The following ASTN2 variants were observed in gnomAD, a reference collection of about 807,000 sequenced individuals.
ASTN2 encodes astrotactin 2.
In ASTN2, 54 loss-of-function variants were observed where a neutral mutation model predicts 139.8. The ratio of observed to expected loss-of-function variants is 0.39; its 90% CI spans 0.31 to 0.48. The LOEUF (loss-of-function observed/expected upper bound fraction) is 0.48, where lower values mean the gene tolerates loss of function less well. Among genes scored for constraint, ASTN2 ranks in the 20% least tolerant of loss-of-function variants. The pLI is 0.95. For synonymous variants in ASTN2, 756 were observed against 719.5 expected (o/e 1.05, Z -0.81); for missense variants, 1,565 against 1,725.1 (o/e 0.91, Z 1.64).
chr9:117,233,725 G>T (rs1479935516), intron 2 of ASTN2, among the ~76,000 whole-genome samples: 2 of 151,952 alleles, frequency 1.3e-5, no homozygotes, highest in Non-Finnish European at 2.9e-5. Flanking sequence ...TGCACTTATG[G>T]CAGAGTGGTG....
chr9:116,878,929 G>A (rs1833375149), intron 10 of ASTN2, among the ~76,000 whole-genome samples: 1 of 151,750 alleles, frequency 6.6e-6, no homozygotes, highest in Non-Finnish European at 1.5e-5. Context: ...TGGGGTCTCA[G>A]GTGTGATTGC....
Position 116,881,398 on chromosome 9 carries a change from A to G in ASTN2, c.1890-17665T>C, listed in dbSNP as rs553991458. ...GTCCATATTCTTCTCCCAGAATGCC[A>G]CTTGTTGAATTTGAGTTGGAATCCC... is the stretch of plus-strand genomic sequence containing the variant. On this transcript the variant is annotated intron_variant, in intron 10 of 22. Transcript: ENST00000313400. 5.3e-5 allele frequency among the ~76,000 whole-genome samples: 8 copies of G among 152,330 alleles called. No individual in the cohort carries two copies. The East Asian group carries it at 1.5e-3, about 29-fold the overall frequency.
intron 10 of ASTN2, among the ~76,000 whole-genome samples, chr9:116,935,332 C>T (rs990023936): frequency 1.3e-5 from 2 of 152,110 alleles, no homozygotes; most frequent in Admixed American, 1.3e-4. Context: ...AGCTGTGTGA[C>T]CTTGGGCAAG....
chr9:117,364,711 G>C (rs1829786705), intron 1 of ASTN2, among the ~76,000 whole-genome samples: 1 of 152,104 alleles, frequency 6.6e-6, no homozygotes, highest in Non-Finnish European at 1.5e-5. Context: ...GCTTATAGAA[G>C]CATCTGGGCT....
chr9:116,985,516 G>C (rs1836651867), intron 7 of ASTN2, among the ~76,000 whole-genome samples: 1 of 152,138 alleles, frequency 6.6e-6, no homozygotes, highest in African/African-American at 2.4e-5. Flanking sequence ...TCTCAGCCAG[G>C]GTAACCCTTT....
At chr9:116,821,473 G>T (rs183877254) in intron 11 of ASTN2, among the ~76,000 whole-genome samples, 35 of 152,232 alleles carry the variant, frequency 2.3e-4, no homozygotes, top group Admixed American at 1.8e-3. Flanking sequence ...TATCCCTGGA[G>T]CCCTAAGTAA....
chr9:116,479,018 A>AAAAAT (rs1849084678), intron 20 of ASTN2, among the ~76,000 whole-genome samples: 1 of 128,274 alleles, frequency 7.8e-6, no homozygotes, highest in Non-Finnish European at 1.7e-5. Flanking sequence ...AAAAAAAAAA[A>AAAAAT]GGGAAATGCA....
chr9:117,278,773 G>A (rs7860251), intron 2 of ASTN2, among the ~76,000 whole-genome samples: 38 of 152,156 alleles, frequency 2.5e-4, no homozygotes, highest in East Asian at 5.8e-4. Flanking sequence ...TGACTGTATC[G>A]GTGGATTTGC....
At position 116,830,618 on chromosome 9, in the gene ASTN2, C is replaced by T. The variant is rs150609597; in HGVS notation, c.2041-9835G>A. Among the ~76,000 whole-genome samples the T allele has an allele frequency of 1.8e-3, 255 of 144,920 alleles. 6 individuals are homozygous for T. In the East Asian group the frequency reaches 0.054, roughly 31 times the overall value. On this transcript the variant is annotated intron_variant, in intron 11 of 22. Coordinates refer to ENST00000313400, the MANE Select transcript of ASTN2 (RefSeq NM_001365068.1). Reference sequence around the variant, plus strand: ...ACCAGCCTGGCCAACATGGTGAAACCCTGTCTCTACTAAAAGTACAAAAAT... The same window carrying T: ...ACCAGCCTGGCCAACATGGTGAAACTCTGTCTCTACTAAAAGTACAAAAAT...
At chr9:116,494,778 C>T (rs1271204679) in intron 19 of ASTN2, among the ~76,000 whole-genome samples, 1 of 152,164 alleles carries the variant, frequency 6.6e-6, no homozygotes, top group Non-Finnish European at 1.5e-5. Context: ...AAAAATCTAC[C>T]TAGGAATGTC....
intron 4 of ASTN2, among the ~76,000 whole-genome samples, chr9:117,117,858 A>C (rs1355927426): frequency 1.3e-5 from 2 of 152,076 alleles, no homozygotes; most frequent in Admixed American, 1.3e-4. Flanking sequence ...CAGACATGGC[A>C]CTCATTCCCA....
At chr9:117,167,997 G>T (rs1830707987) in intron 3 of ASTN2, among the ~76,000 whole-genome samples, 1 of 152,124 alleles carries the variant, frequency 6.6e-6, no homozygotes, top group Admixed American at 6.6e-5. Flanking sequence ...AGGGCAGTGG[G>T]CAGTATGATG....
chr9:116,503,434 T>A (rs1849974758), intron 19 of ASTN2, among the ~76,000 whole-genome samples: 1 of 152,194 alleles, frequency 6.6e-6, no homozygotes, highest in Non-Finnish European at 1.5e-5. Flanking sequence ...TCCTCATTTA[T>A]GTTAAAATTT....
intron 16 of ASTN2, among the ~76,000 whole-genome samples, chr9:116,664,107 GA>G (rs1177467221): frequency 1.5e-4 from 23 of 152,190 alleles, no homozygotes; most frequent in African/African-American, 5.5e-4. Context: ...GTAATTGGTT[GA>G]AAAACTATGA....
intron 13 of ASTN2, among the ~76,000 whole-genome samples, chr9:116,736,112 G>T (rs1457090693): frequency 2.0e-5 from 3 of 152,180 alleles, no homozygotes; most frequent in Non-Finnish European, 4.4e-5. Flanking sequence ...GATCCCAGGT[G>T]GTTTGGCCCC....
intron 16 of ASTN2, among the ~76,000 whole-genome samples, chr9:116,718,972 G>GTGTATATATATATATATATATATATATA (rs56991546): frequency 2.5e-4 from 25 of 99,982 alleles, no homozygotes; most frequent in Middle Eastern, 5.6e-3. Flanking sequence ...ACCTGTATCT[G>GTGTATATATATATATATATATATATATA]TACATATATA....
At chr9:116,497,021 C>T (rs1315331171) in intron 19 of ASTN2, among the ~76,000 whole-genome samples, 1 of 152,158 alleles carries the variant, frequency 6.6e-6, no homozygotes, top group Non-Finnish European at 1.5e-5. Context: ...GTCCTTCACC[C>T]AGGAGTGTTA....
chr9:116,556,894 T>C lies in ASTN2; in HGVS notation c.3355+61430A>G, dbSNP rs913329062. Among the ~76,000 whole-genome samples, 3 of 152,180 alleles carry C rather than the reference T, an allele frequency of 2.0e-5. 1 individual carries two copies. The highest frequency in any genetic ancestry group is 4.2e-4 in the South Asian group (2 of 4,816). On this transcript the variant is annotated intron_variant, in intron 19 of 22. Coordinates refer to ENST00000313400, the MANE Select transcript of ASTN2 (RefSeq NM_001365068.1). ...CATTATATTATTTATGTAGAATACATAGATACAGAAAAAATGTAGATGGAG... is the reference window on the plus strand; with the variant it reads ...CATTATATTATTTATGTAGAATACACAGATACAGAAAAAATGTAGATGGAG...
chr9:116,662,697 G>C (rs556057546), intron 16 of ASTN2, among the ~76,000 whole-genome samples: 7 of 152,214 alleles, frequency 4.6e-5, no homozygotes, highest in Middle Eastern at 3.4e-3. Flanking sequence ...TTTTAATGCA[G>C]TTTTGCTTTT....
Sources: gnomAD v4.1 joint callset for allele counts (sites outside exome capture counted in the v4.1 genomes callset) on GRCh38, gnomAD v4.1.1 for gene constraint, MANE v1.5 for transcripts, NCBI Gene and HGNC (gene_info 2026-07-23, HGNC 2026-07-21) for gene names.